The following PIBF1 variants were observed in gnomAD, a reference collection of about 807,000 sequenced individuals.
PIBF1 encodes progesterone-induced-blocking factor 1.
PIBF1 carries 90 observed loss-of-function variants against 112.5 expected under a neutral mutation model. The observed-to-expected ratio is 0.80, with a 90% CI of 0.67 to 0.95. The LOEUF is 0.95. Ranked by LOEUF, PIBF1 falls within the 40% of genes least tolerant of loss-of-function variation. The pLI, the probability that PIBF1 is intolerant of heterozygous loss-of-function variation, is 0.00. For synonymous variants in PIBF1, 301 were observed against 288.6 expected, an observed-to-expected ratio of 1.04 and a Z score of -0.44; for missense variants, 915 against 852.3, an observed-to-expected ratio of 1.07 and a Z score of -0.92.
intron 2 of PIBF1, among the ~76,000 whole-genome samples, chr13:72,784,999 C>A (rs1346255906): frequency 1.3e-5 from 2 of 151,932 alleles, no homozygotes; most frequent in Non-Finnish European, 2.9e-5. Context: ...CAGTCTCCCA[C>A]GTAGCTGGGA....
chr13:73,010,937 C>A (rs1318891540), intron 17 of PIBF1, among the ~76,000 whole-genome samples: 2 of 144,838 alleles, frequency 1.4e-5, no homozygotes, highest in Admixed American at 7.2e-5. Context: ...AGCGATTCTC[C>A]TGCCTCAGCC....
chr13:72,904,638 G>C (rs7490693), intron 11 of PIBF1, among the ~76,000 whole-genome samples: 1 of 150,850 alleles, frequency 6.6e-6, no homozygotes, highest in Non-Finnish European at 1.5e-5. Context: ...ACAGGGTTTT[G>C]CCGTGTTGGC....
At chr13:72,973,493 A>G (rs1473302404) in intron 15 of PIBF1, 98 bp from the exon 16 acceptor site, 6 of 625,244 alleles carry the variant, frequency 9.6e-6, no homozygotes, top group Non-Finnish European at 1.4e-5. Context: ...CTTTAGTTCA[A>G]ACCATCAGAT....
chr13:72,840,626 C>T (rs915510585), intron 9 of PIBF1, among the ~76,000 whole-genome samples: 2 of 151,524 alleles, frequency 1.3e-5, no homozygotes, highest in Middle Eastern at 3.4e-3. Context: ...CGAGTCCAAG[C>T]GATTCTCCTG....
chr13:72,843,233 T>C (rs2037691297), intron 9 of PIBF1, among the ~76,000 whole-genome samples: 1 of 152,248 alleles, frequency 6.6e-6, no homozygotes, highest in African/African-American at 2.4e-5. Context: ...CGTAGGAGGC[T>C]GTTGCACAGC....
chr13:72,826,719 A>G (rs2036828705), intron 6 of PIBF1, among the ~76,000 whole-genome samples: 1 of 152,214 alleles, frequency 6.6e-6, no homozygotes, highest in Non-Finnish European at 1.5e-5. Flanking sequence ...GAAGATGACT[A>G]ATGAAAAAAT....
At chr13:72,850,095 C>G (rs148934372) in intron 9 of PIBF1, among the ~76,000 whole-genome samples, 11 of 152,250 alleles carry the variant, frequency 7.2e-5, no homozygotes, top group African/African-American at 2.6e-4. Context: ...AGGAATTATG[C>G]TGCGTTTTGC....
At chr13:72,828,422 C>A (rs961688886) in intron 8 of PIBF1, among the ~76,000 whole-genome samples, 1 of 152,060 alleles carries the variant, frequency 6.6e-6, no homozygotes, top group African/African-American at 2.4e-5. Flanking sequence ...GTTATCCCTC[C>A]CCTAGCCCCC....
At chr13:72,820,636 C>T (rs1007035103) in intron 5 of PIBF1, among the ~76,000 whole-genome samples, 5 of 152,158 alleles carry the variant, frequency 3.3e-5, no homozygotes, top group Admixed American at 6.6e-5. Flanking sequence ...TCGTCTTACT[C>T]ATCTTTGTAT....
chr13:72,885,381 A>G (rs917925290), intron 10 of PIBF1, among the ~76,000 whole-genome samples: 1 of 152,092 alleles, frequency 6.6e-6, no homozygotes, highest in Non-Finnish European at 1.5e-5. Context: ...TCAAATTAGT[A>G]TTTAATATTT....
At chr13:72,855,438 T>G (rs2038378771) in intron 10 of PIBF1, among the ~76,000 whole-genome samples, 1 of 152,092 alleles carries the variant, frequency 6.6e-6, no homozygotes, top group Non-Finnish European at 1.5e-5. Context: ...AACTTGAGGC[T>G]AGGAGTTTGA....
At chr13:72,803,448 G>A (rs9564918) in intron 5 of PIBF1, among the ~76,000 whole-genome samples, 29 of 152,180 alleles carry the variant, frequency 1.9e-4, no homozygotes, top group African/African-American at 6.3e-4. Context: ...AGTGCTATCC[G>A]TGTAATAAAA....
rs1047898503 is a variant in PIBF1, at chr13:72,973,609, G to A, written c.1983G>A (p.Lys661=). The change falls in exon 16 of 18, where the codon AAG becomes AAA. Residue 661 remains lysine (K), a synonymous_variant. Coordinates refer to ENST00000326291, the MANE Select transcript of PIBF1 (RefSeq NM_006346.4). ...TTTTCAGCAACTTAAATAAAGAAAA[G>A]TCAGCTTTACTACAGACGAAGAATC... ...EKDVSNLNKE[K]SALLQTKNQM... 1.2e-5 allele frequency: 19 copies of A among 1,550,728 alleles called. No homozygotes were observed. Among genetic ancestry groups the A allele is most frequent in the Middle Eastern group, 1.7e-4 (1 of 5,882 alleles).
At chr13:72,912,209 T>G (rs1377386562) in intron 12 of PIBF1, among the ~76,000 whole-genome samples, 1 of 152,096 alleles carries the variant, frequency 6.6e-6, no homozygotes, top group African/African-American at 2.4e-5. Context: ...ACTTACTACC[T>G]GTAGAGCTAT....
intron 16 of PIBF1, among the ~76,000 whole-genome samples, chr13:72,994,688 T>C (rs888061893): frequency 6.6e-6 from 1 of 152,170 alleles, no homozygotes; most frequent in African/African-American, 2.4e-5. Flanking sequence ...GAGCGGAATC[T>C]GAAATACGAG....
chr13:72,837,637 T>C (rs1406950755), intron 9 of PIBF1, among the ~76,000 whole-genome samples: 3 of 152,184 alleles, frequency 2.0e-5, no homozygotes, highest in Non-Finnish European at 2.9e-5. Context: ...ACTCCTGTCT[T>C]CCATAACTGC....
chr13:73,004,818 A>G (rs1295855374), intron 17 of PIBF1, among the ~76,000 whole-genome samples: 5 of 152,170 alleles, frequency 3.3e-5, no homozygotes, highest in Admixed American at 2.6e-4. Flanking sequence ...CAAGATGAAA[A>G]GAGTTCTATG....
chr13:72,798,671 A>G (rs781719973), intron 5 of PIBF1, among the ~76,000 whole-genome samples: 4 of 152,214 alleles, frequency 2.6e-5, no homozygotes, highest in African/African-American at 4.8e-5. Context: ...TATTGACCAG[A>G]TATCCTAGAA....
chr13:72,925,929 T>G (rs2041469875), intron 13 of PIBF1, among the ~76,000 whole-genome samples: 2 of 152,198 alleles, frequency 1.3e-5, no homozygotes, highest in Admixed American at 1.3e-4. Context: ...ATTTTAAAAT[T>G]TTGATGCAGT....
Sources: allele counts gnomAD v4.1 joint callset (sites outside exome capture counted in the v4.1 genomes callset), GRCh38; gene constraint gnomAD v4.1.1; transcripts MANE v1.5; gene names NCBI Gene and HGNC (gene_info 2026-07-23, HGNC 2026-07-21).